The following GNE variants were observed in gnomAD, a reference collection of about 807,000 sequenced individuals.
The protein encoded by GNE is bifunctional UDP-N-acetylglucosamine 2-epimerase/N-acetylmannosamine kinase.
GNE carries 41 observed loss-of-function variants against 61.8 expected under a neutral mutation model. That is an observed-to-expected ratio of 0.66 (90% CI 0.52 to 0.86). The LOEUF (loss-of-function observed/expected upper bound fraction) is 0.86. GNE is among the 40% of genes least tolerant of loss of function. The pLI is 0.00. For missense variants in GNE, 608 were observed against 909.1 expected (o/e 0.67, Z 4.26); for synonymous variants, 264 against 326.4 (o/e 0.81, Z 2.06).
intron 5 of GNE, among the ~76,000 whole-genome samples, chr9:36,230,071 T>A (rs537602850): frequency 6.6e-6 from 1 of 152,182 alleles, no homozygotes; most frequent in Non-Finnish European, 1.5e-5. Flanking sequence ...CTCAGCCTCC[T>A]GAGTAGCTGG....
At chr9:36,256,239 CTTTTTTTTTTTTT>C (rs34215482) in intron 1 of GNE, among the ~76,000 whole-genome samples, 6 of 55,980 alleles carry the variant, frequency 1.1e-4, no homozygotes, top group Admixed American at 5.1e-4. Context: ...AAACCCAATT[CTTTTTTTTTTTTT>C]TTTTTTTTTT....
rs1423172435 is a variant in GNE, at chr9:36,217,216, A to G, written c.*149T>C. On this transcript the variant is annotated 3_prime_UTR_variant, in exon 12 of 12. Coordinates refer to ENST00000642385, the MANE Select transcript of GNE (RefSeq NM_005476.7). The stretch of plus-strand genomic sequence containing the variant: ...AGGAGTGGGGAAAGGTGACTCTGGA[A>G]GAGGAGACCAAAAGTGAAAACATTT... The G allele has an allele frequency of 7.2e-6, 5 of 692,232 alleles. No homozygotes were observed. Among genetic ancestry groups the G allele is most frequent in the Non-Finnish European group, 1.0e-5 (4 of 381,186 alleles). The allele number at this position is 692,232 out of a possible 1,614,324, so 42.9% of individuals were successfully genotyped here.
rs1464975151 is a variant in GNE, at chr9:36,245,980, C to T, written c.616+51G>A. ...TCCAAAAGGATTGAAATAGACGGAACATTTTCTGACAAAAACAGCCATTAG... is the reference window on the plus strand; with the variant it reads ...TCCAAAAGGATTGAAATAGACGGAATATTTTCTGACAAAAACAGCCATTAG... On this transcript the variant is annotated intron_variant, in intron 3 of 11. Transcript: ENST00000642385. The T allele has an allele frequency of 3.6e-6, 5 of 1,385,662 alleles. No homozygotes were observed. In the East Asian group the frequency reaches 9.1e-5, roughly 25 times the overall value. 85.8% of individuals were successfully genotyped at this position (1,385,662 alleles called of 1,614,324 possible).
At chr9:36,276,955 G>T (rs374252190) in exon 1 of GNE, 1 of 1,612,926 alleles carries the variant, frequency 6.2e-7, no homozygotes, top group Non-Finnish European at 8.5e-7. Context: ...CCCGAAGCAC[G>T]AGCTCTGTAC....
At chr9:36,261,349 G>C (rs1357944578), upstream of GNE, among the ~76,000 whole-genome samples, 2 of 151,918 alleles carry the variant, frequency 1.3e-5, no homozygotes, top group Non-Finnish European at 1.5e-5. Flanking sequence ...ACGACGTCAG[G>C]AGATCGAGAC....
rs947155863 is a variant in GNE, at chr9:36,218,967, G to C, written c.1817-668C>G. Among the ~76,000 whole-genome samples the C allele has an allele frequency of 2.6e-5, 4 of 152,148 alleles. No homozygotes were observed. Among genetic ancestry groups the C allele is most frequent in the Non-Finnish European group, 4.4e-5 (3 of 68,026 alleles). On this transcript the variant is annotated intron_variant, in intron 10 of 11. Transcript: ENST00000642385. This position sits in a 1 kb window ranked among gnomAD's most constrained non-coding sequence, Gnocchi z 4.1. ...TATCTGTAGTCCTTGTCTTCTGCCCGTCACCAACTCAGATCAATCTGCCTC... is the reference window on the plus strand; with the variant it reads ...TATCTGTAGTCCTTGTCTTCTGCCCCTCACCAACTCAGATCAATCTGCCTC...
At chr9:36,272,957 C>T (rs1376167486) in intron 1 of GNE, among the ~76,000 whole-genome samples, 1 of 146,608 alleles carries the variant, frequency 6.8e-6, no homozygotes, top group African/African-American at 2.5e-5. Flanking sequence ...TGGTGGCGTG[C>T]GCCTGTAGTC....
chr9:36,243,175 G>A (rs1327079484), intron 3 of GNE, among the ~76,000 whole-genome samples: 2 of 152,106 alleles, frequency 1.3e-5, no homozygotes, highest in African/African-American at 4.8e-5. Context: ...CTCCGGAGTA[G>A]CTGGGACTAC....
chr9:36,249,537 T>C, intron 1 of GNE, 140 bp from the exon 2 acceptor site: 2 of 624,760 alleles, frequency 3.2e-6, no homozygotes, highest in South Asian at 4.1e-5. Context: ...TTAATCTTTT[T>C]TTGCACCTCC....
upstream of GNE, chr9:36,258,629 C>T (rs1587367602): frequency 3.7e-6 from 2 of 542,218 alleles, no homozygotes; most frequent in Non-Finnish European, 4.7e-6. Context: ...ACCAGCGGAC[C>T]ATCTTCCATG....
chr9:36,271,025 A>G (rs1831009786), intron 1 of GNE, among the ~76,000 whole-genome samples: 1 of 152,138 alleles, frequency 6.6e-6, no homozygotes, highest in Admixed American at 6.5e-5. Context: ...GGCTGCTTTC[A>G]TCTCGTTAAG....
chr9:36,220,725 T>G (rs1281125343), intron 9 of GNE, among the ~76,000 whole-genome samples: 1 of 152,120 alleles, frequency 6.6e-6, no homozygotes, highest in African/African-American at 2.4e-5. Context: ...AAGCAGAAAA[T>G]ATGAAATAAT....
intron 3 of GNE, among the ~76,000 whole-genome samples, chr9:36,241,016 A>T (rs1331377573): frequency 1.3e-5 from 2 of 151,860 alleles, no homozygotes; most frequent in Non-Finnish European, 2.9e-5. Context: ...TTCATTTCTT[A>T]GTGAGGTTAT....
intron 1 of GNE, among the ~76,000 whole-genome samples, chr9:36,257,405 A>G (rs1291003449): frequency 1.3e-5 from 2 of 152,106 alleles, no homozygotes; most frequent in Non-Finnish European, 2.9e-5. Flanking sequence ...CGGCGCTCCT[A>G]CAGTTGGGTT....
chr9:36,264,903 C>G (rs1005291687), intron 1 of GNE: 2 of 156,668 alleles, frequency 1.3e-5, no homozygotes, highest in South Asian at 2.0e-4. Context: ...GCTCCCCTCC[C>G]TTTGTATGGG....
At chr9:36,272,676 G>A (rs1437232574) in intron 1 of GNE, among the ~76,000 whole-genome samples, 1 of 150,572 alleles carries the variant, frequency 6.6e-6, no homozygotes, top group Admixed American at 6.6e-5. Context: ...GGAAGAGGAG[G>A]AAGGACTGGA....
intron 1 of GNE, among the ~76,000 whole-genome samples, chr9:36,266,173 C>G (rs567704337): frequency 5.2e-4 from 79 of 152,168 alleles, no homozygotes; most frequent in Non-Finnish European, 9.1e-4. Flanking sequence ...TCAAGTGATC[C>G]ACCCACCTCA....
chr9:36,254,120 G>A lies in GNE; in HGVS notation c.-43+4201C>T, dbSNP rs189051790. ...CTTGGGAGGCTGAGGCACAAGAATC[G>A]CTTGAACCCAGGAGGCAGAGGTTGC... On this transcript the variant is annotated intron_variant, in intron 1 of 11. Coordinates refer to ENST00000642385, the MANE Select transcript of GNE (RefSeq NM_005476.7). Among the ~76,000 whole-genome samples the A allele has an allele frequency of 2.5e-4, 38 of 151,880 alleles. No individual in the cohort carries two copies. The Middle Eastern group carries it at 0.014, about 54-fold the overall frequency.
At chr9:36,253,228 G>A (rs1018066259) in intron 1 of GNE, among the ~76,000 whole-genome samples, 36 of 149,632 alleles carry the variant, frequency 2.4e-4, no homozygotes, top group African/African-American at 8.8e-4. Flanking sequence ...CATACACAAC[G>A]TATATTACAA....
Sources: allele counts gnomAD v4.1 joint callset (sites outside exome capture counted in the v4.1 genomes callset), GRCh38; gene constraint gnomAD v4.1.1; non-coding constraint Gnocchi (gnomAD v3.1); transcripts MANE v1.5; gene names NCBI Gene and HGNC (gene_info 2026-07-23, HGNC 2026-07-21).